NTRK3: variants seen among roughly 807,000 people sequenced by gnomAD.
NTRK3 encodes the protein neurotrophic receptor tyrosine kinase 3.
A neutral mutation model predicts 91.7 loss-of-function variants in NTRK3; 24 were observed. The observed-to-expected ratio is 0.26, with a 90% CI of 0.19 to 0.37. The LOEUF (loss-of-function observed/expected upper bound fraction) is 0.37, where lower values mean the gene tolerates loss of function less well. Ranked by LOEUF, NTRK3 falls within the 10% of genes least tolerant of loss-of-function variation. NTRK3 has a pLI of 1.00. For missense variants in NTRK3, 880 were observed against 1,068.9 expected, an observed-to-expected ratio of 0.82 and a Z score of 2.46; for synonymous variants, 483 against 404.0, an observed-to-expected ratio of 1.20 and a Z score of -2.34.
chr15:87,937,968 G>GA (rs759550145), intron 15 of NTRK3, among the ~76,000 whole-genome samples: 56 of 138,022 alleles, frequency 4.1e-4, no homozygotes, highest in African/African-American at 9.3e-4. Context: ...TGACAGAGAC[G>GA]AAAAAAAAAA....
At chr15:88,071,160 G>A (rs2150542326) in intron 13 of NTRK3, among the ~76,000 whole-genome samples, 1 of 152,330 alleles carries the variant, frequency 6.6e-6, no homozygotes, top group South Asian at 2.1e-4. Flanking sequence ...TTAAGTCCCA[G>A]GCCCGATGAA....
chr15:87,912,054 C>T (rs1041850496), intron 17 of NTRK3, among the ~76,000 whole-genome samples: 6 of 152,204 alleles, frequency 3.9e-5, no homozygotes, highest in Admixed American at 1.3e-4. Flanking sequence ...ATTCCTTCCT[C>T]GCCCTTCAGT....
intron 5 of NTRK3, among the ~76,000 whole-genome samples, chr15:88,176,697 C>T (rs1037448103): frequency 6.6e-6 from 1 of 152,190 alleles, no homozygotes; most frequent in African/African-American, 2.4e-5. Context: ...GTACATGCAA[C>T]AAATCACTAC....
chr15:87,902,253 C>T (rs918887743), intron 17 of NTRK3, among the ~76,000 whole-genome samples: 14 of 152,190 alleles, frequency 9.2e-5, no homozygotes, highest in African/African-American at 3.4e-4. Flanking sequence ...CTTTTCTCTG[C>T]ATAATGTCCC....
chr15:88,123,792 C>T (rs1039165487), intron 13 of NTRK3, among the ~76,000 whole-genome samples: 2 of 152,154 alleles, frequency 1.3e-5, no homozygotes, highest in Non-Finnish European at 2.9e-5. Context: ...GAGTTATTTT[C>T]AATAGGAAGG....
chr15:88,126,449 A>G, intron 12 of NTRK3, 76 bp from the exon 13 acceptor site: 1 of 911,414 alleles, frequency 1.1e-6, no homozygotes, highest in Non-Finnish European at 1.8e-6. Flanking sequence ...GTGTGTGCCC[A>G]GATAAGAACA....
intron 18 of NTRK3, among the ~76,000 whole-genome samples, chr15:87,879,029 C>T (rs917149486): frequency 6.6e-6 from 1 of 151,428 alleles, no homozygotes. Flanking sequence ...AGTATATATA[C>T]TTTCATTATT....
intron 17 of NTRK3, among the ~76,000 whole-genome samples, chr15:87,886,406 G>C (rs2065537034): frequency 6.6e-6 from 1 of 151,768 alleles, no homozygotes; most frequent in Non-Finnish European, 1.5e-5. Context: ...CACCATTAAA[G>C]TTATAGGCAG....
intron 13 of NTRK3, among the ~76,000 whole-genome samples, chr15:88,033,662 T>C (rs2078808768): frequency 6.6e-6 from 1 of 152,094 alleles, no homozygotes; most frequent in African/African-American, 2.4e-5. Context: ...TCGAATGCTC[T>C]GTATTCTGAA....
intron 13 of NTRK3, among the ~76,000 whole-genome samples, chr15:88,080,038 A>G (rs2047908991): frequency 6.6e-6 from 1 of 152,196 alleles, no homozygotes; most frequent in South Asian, 2.1e-4. Context: ...TTGTTCTACA[A>G]CATATTTTAA....
At chr15:87,920,540 A>G (rs1045163685) in intron 17 of NTRK3, among the ~76,000 whole-genome samples, 1 of 152,182 alleles carries the variant, frequency 6.6e-6, no homozygotes, top group Admixed American at 6.5e-5. Flanking sequence ...ACCTTCCTCT[A>G]GACTCCTAAA....
chr15:87,886,947 C>T (rs968788906), intron 17 of NTRK3, among the ~76,000 whole-genome samples: 45 of 151,346 alleles, frequency 3.0e-4, no homozygotes, highest in Admixed American at 2.0e-4. Flanking sequence ...TGGTTTATTG[C>T]ACTTGGTTTG....
At chr15:88,087,537 CA>C (rs2150721182) in intron 13 of NTRK3, among the ~76,000 whole-genome samples, 1 of 152,262 alleles carries the variant, frequency 6.6e-6, no homozygotes, top group South Asian at 2.1e-4. Flanking sequence ...TAGGCAGGAA[CA>C]TTACCTGTGA....
chr15:87,976,121 T>A (rs910565006), intron 14 of NTRK3, among the ~76,000 whole-genome samples: 1 of 152,112 alleles, frequency 6.6e-6, no homozygotes, highest in Non-Finnish European at 1.5e-5. Flanking sequence ...ATATTAAAAA[T>A]GAAAGTTCTC....
intron 13 of NTRK3, among the ~76,000 whole-genome samples, chr15:88,077,362 C>A (rs1366283771): frequency 6.6e-6 from 1 of 152,076 alleles, no homozygotes; most frequent in African/African-American, 2.4e-5. Flanking sequence ...GCCTGGAATG[C>A]CATTTCTTCT....
chr15:88,230,456 A>G lies in NTRK3; in HGVS notation c.248+25450T>C, dbSNP rs972631381. Among the ~76,000 whole-genome samples, 31 of 152,230 alleles carry G rather than the reference A, an allele frequency of 2.0e-4. 1 individual carries two copies. Among genetic ancestry groups the G allele is most frequent in the Admixed American group, 2.0e-3 (31 of 15,278 alleles). On this transcript the variant is annotated intron_variant, in intron 3 of 18. Coordinates refer to ENST00000394480, the Ensembl canonical transcript of NTRK3. ...AGAAGGGCCCTGTTTGCCCCCTAAC[A>G]GGCAGGTAGATCTTGGAAAAGTCAT...
exon 19 of NTRK3, chr15:87,860,849 GAGGA>G (rs1244456452): frequency 9.2e-6 from 2 of 217,572 alleles, no homozygotes; most frequent in Non-Finnish European, 1.8e-5. Context: ...AAATACAAAT[GAGGA>G]ACTATCAATT....
chr15:87,950,489 G>A (rs1266000460), intron 14 of NTRK3, among the ~76,000 whole-genome samples: 1 of 152,178 alleles, frequency 6.6e-6, no homozygotes, highest in Non-Finnish European at 1.5e-5. Flanking sequence ...AGGACAGGAA[G>A]GGGACCTTGG....
At chr15:87,886,288 AC>A (rs1357879048) in intron 17 of NTRK3, among the ~76,000 whole-genome samples, 1 of 152,000 alleles carries the variant, frequency 6.6e-6, no homozygotes, top group Non-Finnish European at 1.5e-5. Context: ...GTGACTTTGA[AC>A]CCAGCAATTT....
Sources: gnomAD v4.1 joint callset for allele counts (sites outside exome capture counted in the v4.1 genomes callset) on GRCh38, gnomAD v4.1.1 for gene constraint, MANE v1.5 for transcripts, NCBI Gene and HGNC (gene_info 2026-07-23, HGNC 2026-07-21) for gene names.